Variants in AKAIN1 observed in about 807,000 individuals in gnomAD.
AKAIN1 encodes A-kinase anchor protein inhibitor 1.
A neutral mutation model predicts 3.7 loss-of-function variants in AKAIN1; 3 were observed. That is an observed-to-expected ratio of 0.82 (90% CI 0.37 to 2.12). AKAIN1 has a LOEUF of 2.12. Ranked by LOEUF, AKAIN1 falls within the 30% of genes most tolerant of loss-of-function variation. The probability of loss-of-function intolerance (pLI) is 0.06; values close to 1 mark genes in which losing one functional copy is unlikely to be tolerated. For missense variants in AKAIN1, 82 were observed against 82.7 expected, an observed-to-expected ratio of 0.99 and a Z score of 0.03; for synonymous variants, 31 against 30.8, an observed-to-expected ratio of 1.01 and a Z score of -0.02.
rs534719969 is a variant in AKAIN1, at chr18:5,170,473, G to T, written c.17-24718C>A. Reference sequence around the variant, plus strand: ...AATTTCCTTATGTTTAAATAACGGGGCATCCCTAGAATTTTGAGTCTCTGC... The same window carrying T: ...AATTTCCTTATGTTTAAATAACGGGTCATCCCTAGAATTTTGAGTCTCTGC... On this transcript the variant is annotated intron_variant, in intron 1 of 1. Transcript: ENST00000434239. Among the ~76,000 whole-genome samples, 3 of 152,212 alleles carry T rather than the reference G, an allele frequency of 2.0e-5. No homozygotes were observed. The South Asian group carries it at 6.2e-4, about 32-fold the overall frequency.
At chr18:5,164,327 G>A (rs2071127925) in intron 1 of AKAIN1, among the ~76,000 whole-genome samples, 1 of 152,178 alleles carries the variant, frequency 6.6e-6, no homozygotes, top group Admixed American at 6.6e-5. Flanking sequence ...AAGTAGAAGA[G>A]TAAGCAATTC....
intron 1 of AKAIN1, among the ~76,000 whole-genome samples, chr18:5,175,962 T>TTC (rs2071223902): frequency 2.0e-5 from 3 of 152,234 alleles, no homozygotes; most frequent in African/African-American, 7.2e-5. Flanking sequence ...AGCACCACAT[T>TTC]TCCATTTTGC....
At chr18:5,196,008 A>C (rs545531696) in intron 1 of AKAIN1, among the ~76,000 whole-genome samples, 53 of 151,818 alleles carry the variant, frequency 3.5e-4, no homozygotes, top group Non-Finnish European at 6.9e-4. Context: ...TTTGAAGAAA[A>C]GACTCAATTC....
chr18:5,183,851 A>G (rs946546719), intron 1 of AKAIN1, among the ~76,000 whole-genome samples: 3 of 143,726 alleles, frequency 2.1e-5, no homozygotes, highest in African/African-American at 8.3e-5. Context: ...CTTACTTAAC[A>G]TATGCTGTTG....
In AKAIN1 at chr18:5,175,636, G is replaced by C. The variant is rs578246552; in HGVS notation, c.16+21402C>G. 7.9e-5 allele frequency among the ~76,000 whole-genome samples: 12 copies of C among 152,262 alleles called. No homozygotes were observed. The East Asian group carries it at 2.3e-3, about 29-fold the overall frequency. The stretch of plus-strand genomic sequence containing the variant: ...CAGGAAGTGAAAGAAAAACGGTTCA[G>C]TAAGTTTATGCAGCGTTTCCACTGT... On this transcript the variant is annotated intron_variant, in intron 1 of 1. Transcript: ENST00000434239.
chr18:5,184,412 G>A (rs2071275884), intron 1 of AKAIN1, among the ~76,000 whole-genome samples: 1 of 152,038 alleles, frequency 6.6e-6, no homozygotes, highest in Admixed American at 6.6e-5. Context: ...CTGTCTGTTT[G>A]CAGACAATAT....
chr18:5,161,585 G>A (rs1272370593), intron 1 of AKAIN1, among the ~76,000 whole-genome samples: 3 of 152,020 alleles, frequency 2.0e-5, no homozygotes, highest in African/African-American at 7.2e-5. Flanking sequence ...AAAAAAAGTG[G>A]TGTTCCTATC....
chr18:5,175,130 A>C (rs994237465), intron 1 of AKAIN1, among the ~76,000 whole-genome samples: 1 of 152,174 alleles, frequency 6.6e-6, no homozygotes, highest in African/African-American at 2.4e-5. Context: ...TTTGTAAGTG[A>C]AATTCAATGG....
chr18:5,168,339 AAAGAGGCTAC>A (rs2143342881), intron 1 of AKAIN1, among the ~76,000 whole-genome samples: 1 of 152,230 alleles, frequency 6.6e-6, no homozygotes, highest in South Asian at 2.1e-4. Flanking sequence ...CAGGACAGCC[AAAGAGGCTAC>A]CATTGCTTGA....
intron 1 of AKAIN1, among the ~76,000 whole-genome samples, chr18:5,156,822 G>A (rs1266611462): frequency 6.6e-6 from 1 of 152,152 alleles, no homozygotes; most frequent in African/African-American, 2.4e-5. Flanking sequence ...ATTAGAAGGA[G>A]CAATAAAAAG....
chr18:5,160,580 GT>G (rs977255472), intron 1 of AKAIN1, among the ~76,000 whole-genome samples: 1 of 151,986 alleles, frequency 6.6e-6, no homozygotes, highest in Non-Finnish European at 1.5e-5. Context: ...TCAAATCTGG[GT>G]TTTTTTATTC....
chr18:5,180,093 C>G (rs2071248818), intron 1 of AKAIN1, among the ~76,000 whole-genome samples: 1 of 152,108 alleles, frequency 6.6e-6, no homozygotes, highest in South Asian at 2.1e-4. Context: ...CACTCACTTT[C>G]TTCCCAAAAG....
chr18:5,197,160 G>A lies in AKAIN1; in HGVS notation c.-107C>T, dbSNP rs2071353479. The A allele has an allele frequency of 1.3e-6, 2 of 1,519,126 alleles. No homozygotes were observed. Among genetic ancestry groups the A allele is most frequent in the African/African-American group, 2.8e-5 (2 of 71,252 alleles). The allele number at this position is 1,519,126 out of a possible 1,614,324, so 94.1% of individuals were successfully genotyped here. A position where few individuals can be genotyped will look rare whatever the true frequency, so the allele number is the denominator to read the frequency against. On this transcript the variant is annotated 5_prime_UTR_variant, in exon 1 of 2. Coordinates refer to ENST00000434239, the MANE Select transcript of AKAIN1 (RefSeq NM_001145194.2). The surrounding 1 kb of genome is among the most constrained non-coding windows in gnomAD (Gnocchi z 6.9). ...GGTCCGGTGCAGGAGGGCGCGCTGG[G>A]CGGGCGGCGGGCGGGGCGGTCAGCA... is the stretch of plus-strand genomic sequence containing the variant.
chr18:5,189,381 C>T (rs1407774017), intron 1 of AKAIN1, among the ~76,000 whole-genome samples: 1 of 152,190 alleles, frequency 6.6e-6, no homozygotes, highest in East Asian at 1.9e-4. Context: ...CTAACAAACA[C>T]ACTTTTTCAC....
chr18:5,192,728 C>T (rs1285930007), intron 1 of AKAIN1, among the ~76,000 whole-genome samples: 2 of 151,704 alleles, frequency 1.3e-5, no homozygotes, highest in Non-Finnish European at 2.9e-5. Context: ...ATTTATACAA[C>T]AGTCTGAAAA....
Position 5,197,073 on chromosome 18 carries a change from GC to G in AKAIN1, c.-21del. The G allele has an allele frequency of 6.4e-7, 1 of 1,551,538 alleles. No homozygotes were observed. The highest frequency in any genetic ancestry group is 2.4e-5 in the East Asian group (1 of 40,898). On this transcript the variant is annotated 5_prime_UTR_variant, in exon 1 of 2. Transcript: ENST00000434239. This position sits in a 1 kb window ranked among gnomAD's most constrained non-coding sequence, Gnocchi z 6.9. ...CACCATGATTTCTTCCAGCCGCTAC[GC>G]CCCCAGATTAAGAGAGAAAGACAGG...
chr18:5,175,659 T>C (rs2071222007), intron 1 of AKAIN1, among the ~76,000 whole-genome samples: 2 of 152,336 alleles, frequency 1.3e-5, no homozygotes, highest in African/African-American at 2.4e-5. Flanking sequence ...GCGTTTCCAC[T>C]GTTCTGGTAA....
chr18:5,158,295 G>A (rs1053695519), intron 1 of AKAIN1, among the ~76,000 whole-genome samples: 2 of 152,092 alleles, frequency 1.3e-5, no homozygotes, highest in Admixed American at 6.6e-5. Context: ...TTGCTGATTC[G>A]CTGCAGTGAG....
At chr18:5,180,797 G>T (rs1362307658) in intron 1 of AKAIN1, among the ~76,000 whole-genome samples, 1 of 152,014 alleles carries the variant, frequency 6.6e-6, no homozygotes, top group African/African-American at 2.4e-5. Flanking sequence ...AGGAATAAGT[G>T]CACAAGAATG....
Sources: gnomAD v4.1 joint callset for allele counts (sites outside exome capture counted in the v4.1 genomes callset) on GRCh38, gnomAD v4.1.1 for gene constraint, Gnocchi (gnomAD v3.1) non-coding constraint, MANE v1.5 for transcripts, NCBI Gene and HGNC (gene_info 2026-07-23, HGNC 2026-07-21) for gene names.